The following UBE3C variants were observed in gnomAD, a reference collection of about 807,000 sequenced individuals.
UBE3C encodes ubiquitin protein ligase E3C, also known as ubiquitin-protein ligase E3C.
A neutral mutation model predicts 129.4 loss-of-function variants in UBE3C; 42 were observed. The observed-to-expected ratio is 0.32, with a 90% confidence interval of 0.25 to 0.42. UBE3C has a LOEUF of 0.42. UBE3C is among the 10% of genes least tolerant of loss of function. The pLI, the probability that UBE3C is intolerant of heterozygous loss-of-function variation, is 1.00. For synonymous variants in UBE3C, 510 were observed against 492.4 expected, an observed-to-expected ratio of 1.04 and a Z score of -0.47; for missense variants, 1,049 against 1,319.1, an observed-to-expected ratio of 0.80 and a Z score of 3.17.
chr7:157,263,860 A>T (rs761824000), intron 22 of UBE3C, among the ~76,000 whole-genome samples: 4 of 149,364 alleles, frequency 2.7e-5, no homozygotes, highest in Non-Finnish European at 5.9e-5. Context: ...TCTAACCATT[A>T]TTTTTTTATG....
intron 22 of UBE3C, among the ~76,000 whole-genome samples, chr7:157,262,568 A>AC (rs1796949088): frequency 6.6e-6 from 1 of 151,566 alleles, no homozygotes; most frequent in South Asian, 2.1e-4. Context: ...ACAGGCACCT[A>AC]CCACCACCCC....
At chr7:157,209,765 T>G (rs956564982) in intron 13 of UBE3C, among the ~76,000 whole-genome samples, 2 of 152,250 alleles carry the variant, frequency 1.3e-5, no homozygotes, top group African/African-American at 2.4e-5. Flanking sequence ...TAATGCCATA[T>G]AAGATATTTT....
At chr7:157,184,555 A>G (rs10228143) in intron 9 of UBE3C, among the ~76,000 whole-genome samples, 25,660 of 152,246 alleles carry the variant, frequency 0.17, 2,432 homozygotes, top group East Asian at 0.35. Flanking sequence ...TACTTAAAGA[A>G]TTTAACCGCC....
chr7:157,163,805 T>G lies in UBE3C; in HGVS notation c.67-5T>G, dbSNP rs1179362842. ...TTACCTCCTTTTTTCTCTGTTTGGG[T>G]GTAGGAGGAAAAGGCTTCTCTTTTA... is the stretch of plus-strand genomic sequence containing the variant. On this transcript the variant is annotated splice_region_variant and splice_polypyrimidine_tract_variant and intron_variant, in intron 1 of 22. Coordinates refer to ENST00000348165, the MANE Select transcript of UBE3C (RefSeq NM_014671.3). 6.2e-7 allele frequency: 1 copy of G among 1,613,106 alleles called. No homozygotes were observed. The highest frequency in any genetic ancestry group is 8.5e-7 in the Non-Finnish European group (1 of 1,179,610).
rs1797136392 is a variant in UBE3C at position 157,268,416 on chromosome 7, G to A, written c.*661G>A. The A allele has an allele frequency of 6.6e-6, 1 of 152,650 alleles. No individual in the cohort carries two copies. Among genetic ancestry groups the A allele is most frequent in the Admixed American group, 6.6e-5 (1 of 15,266 alleles). The allele number at this position is 152,650 out of a possible 1,614,324, so 9.5% of individuals were successfully genotyped here. A position where few individuals can be genotyped will look rare whatever the true frequency, so the allele number is the denominator to read the frequency against. On this transcript the variant is annotated 3_prime_UTR_variant, in exon 23 of 23. Coordinates refer to ENST00000348165, the MANE Select transcript of UBE3C (RefSeq NM_014671.3). ...AGATACTGTCTGTGGATGTGAGGTG[G>A]GGACTTCATTCATTGTCCTATTTCT...
intron 10 of UBE3C, among the ~76,000 whole-genome samples, chr7:157,201,302 CA>C (rs1381988886): frequency 2.6e-5 from 4 of 151,974 alleles, no homozygotes; most frequent in South Asian, 4.2e-4. Context: ...CCAGCCTGGG[CA>C]ACAGAGCAAG....
chr7:157,198,894 T>C (rs757916861), intron 10 of UBE3C, among the ~76,000 whole-genome samples: 6 of 152,260 alleles, frequency 3.9e-5, no homozygotes, highest in Non-Finnish European at 8.8e-5. Flanking sequence ...TTAGTAAATA[T>C]TCTGTCAGGG....
chr7:157,168,962 T>TA (rs1299184255), intron 2 of UBE3C, 86 bp from the exon 3 acceptor site: 1 of 994,874 alleles, frequency 1.0e-6, no homozygotes, highest in African/African-American at 1.6e-5. Context: ...ACATAGCTGT[T>TA]AGTGTTTTTA....
intron 18 of UBE3C, among the ~76,000 whole-genome samples, chr7:157,240,983 G>A (rs1005421531): frequency 2.0e-5 from 3 of 152,178 alleles, no homozygotes; most frequent in Non-Finnish European, 2.9e-5. Flanking sequence ...GACTGAACCC[G>A]GGAGAGGTAA....
intron 4 of UBE3C, among the ~76,000 whole-genome samples, chr7:157,173,142 G>A (rs529167666): frequency 2.0e-5 from 3 of 152,196 alleles, no homozygotes; most frequent in African/African-American, 7.2e-5. Context: ...GTGGGGCTGA[G>A]GTGGGAGGAT....
intron 18 of UBE3C, among the ~76,000 whole-genome samples, chr7:157,240,652 T>G (rs1796290760): frequency 6.6e-6 from 1 of 152,156 alleles, no homozygotes; most frequent in Non-Finnish European, 1.5e-5. Flanking sequence ...AGAGCCTGCC[T>G]TTGAATCTAG....
At chr7:157,155,083 T>C (rs2116829225) in intron 1 of UBE3C, among the ~76,000 whole-genome samples, 1 of 152,218 alleles carries the variant, frequency 6.6e-6, no homozygotes, top group East Asian at 1.9e-4. Context: ...TGGCTGATGA[T>C]GATGCACCTG....
chr7:157,154,340 G>T (rs879337723), intron 1 of UBE3C, among the ~76,000 whole-genome samples: 16 of 151,918 alleles, frequency 1.1e-4, no homozygotes, highest in South Asian at 6.3e-4. Flanking sequence ...TAAAAGGTCA[G>T]ACCTTCTAAA....
chr7:157,229,122 T>G (rs1795954348), intron 17 of UBE3C, among the ~76,000 whole-genome samples: 1 of 152,152 alleles, frequency 6.6e-6, no homozygotes, highest in Non-Finnish European at 1.5e-5. Flanking sequence ...TCCCCTGACT[T>G]CATGCAGCAG....
At chr7:157,161,318 A>G (rs1808064499) in intron 1 of UBE3C, among the ~76,000 whole-genome samples, 1 of 152,168 alleles carries the variant, frequency 6.6e-6, no homozygotes, top group African/African-American at 2.4e-5. Context: ...ATTAAAGAAT[A>G]TTAAGTAAAC....
intron 10 of UBE3C, among the ~76,000 whole-genome samples, chr7:157,195,914 C>T (rs1324056566): frequency 6.6e-6 from 1 of 152,094 alleles, no homozygotes; most frequent in Non-Finnish European, 1.5e-5. Context: ...AATAATGTTC[C>T]ATGTAAAACG....
At chr7:157,257,843 A>G (rs1045690246) in intron 22 of UBE3C, among the ~76,000 whole-genome samples, 1 of 151,536 alleles carries the variant, frequency 6.6e-6, no homozygotes, top group African/African-American at 2.4e-5. Flanking sequence ...AAAAATGCAC[A>G]CAGTGGTATA....
intron 8 of UBE3C, among the ~76,000 whole-genome samples, chr7:157,183,270 G>A (rs1323535220): frequency 6.6e-6 from 1 of 152,214 alleles, no homozygotes; most frequent in Non-Finnish European, 1.5e-5. Context: ...ATTACAAGTA[G>A]TAGGTTGTCA....
intron 6 of UBE3C, 147 bp downstream of exon 6, chr7:157,178,994 C>A: frequency 1.1e-6 from 1 of 935,092 alleles, no homozygotes; most frequent in South Asian, 2.3e-5. Context: ...TCCACAGGTG[C>A]CCACCAGAGT....
Sources: gnomAD v4.1 joint callset for allele counts (sites outside exome capture counted in the v4.1 genomes callset) on GRCh38, gnomAD v4.1.1 for gene constraint, MANE v1.5 for transcripts, NCBI Gene and HGNC (gene_info 2026-07-23, HGNC 2026-07-21) for gene names.